The following KCNMA1 variants were observed in gnomAD, a reference collection of about 807,000 sequenced individuals.
KCNMA1 encodes potassium calcium-activated channel subfamily M alpha 1.
A neutral mutation model predicts 140.0 loss-of-function variants in KCNMA1; 29 were observed. The ratio of observed to expected loss-of-function variants is 0.21; its 90% CI spans 0.15 to 0.28. The LOEUF is 0.28. Among genes scored for constraint, KCNMA1 ranks in the 10% least tolerant of loss-of-function variants. KCNMA1 has a pLI of 1.00. For synonymous variants in KCNMA1, 612 were observed against 611.9 expected (o/e 1.00, Z 0.00); for missense variants, 880 against 1,602.2 (o/e 0.55, Z 7.70).
intron 3 of KCNMA1, among the ~76,000 whole-genome samples, chr10:77,218,047 T>C (rs1007646940): frequency 2.6e-5 from 4 of 152,194 alleles, no homozygotes; most frequent in Non-Finnish European, 5.9e-5. Flanking sequence ...GATGGAATTC[T>C]AGGACCACTA....
chr10:77,132,254 G>T (rs550627037), intron 5 of KCNMA1, among the ~76,000 whole-genome samples: 85 of 152,126 alleles, frequency 5.6e-4, no homozygotes, highest in African/African-American at 1.9e-3. Flanking sequence ...AGAAGAATGG[G>T]CATAGCCACA....
At chr10:77,465,317 C>T (rs2154526231) in intron 1 of KCNMA1, among the ~76,000 whole-genome samples, 1 of 152,334 alleles carries the variant, frequency 6.6e-6, no homozygotes, top group African/African-American at 2.4e-5. Context: ...AGTCAGTCTA[C>T]AGCTATGGAG....
intron 19 of KCNMA1, among the ~76,000 whole-genome samples, chr10:76,984,492 G>GT (rs2080615331): frequency 6.6e-6 from 1 of 152,216 alleles, no homozygotes; most frequent in South Asian, 2.1e-4. Flanking sequence ...ACCCAGCCTG[G>GT]ATTCTAGAGT....
chr10:77,574,863 T>G (rs1481121856), intron 1 of KCNMA1, among the ~76,000 whole-genome samples: 1 of 152,266 alleles, frequency 6.6e-6, no homozygotes, highest in African/African-American at 2.4e-5. Context: ...TGGTGCTTCA[T>G]GATGCTTTTG....
intron 6 of KCNMA1, among the ~76,000 whole-genome samples, chr10:77,117,023 C>T (rs905550660): frequency 4.6e-5 from 7 of 152,124 alleles, no homozygotes; most frequent in South Asian, 2.1e-4. Context: ...ATCTTGGAGC[C>T]ATTTCTAAGT....
intron 9 of KCNMA1, among the ~76,000 whole-genome samples, chr10:77,107,370 C>T (rs115759241): frequency 1.6e-3 from 251 of 152,278 alleles, no homozygotes; most frequent in African/African-American, 5.8e-3. Context: ...TGGGTGTGTA[C>T]ATAGGTACAA....
intron 20 of KCNMA1, among the ~76,000 whole-genome samples, chr10:76,956,049 C>T (rs2068151642): frequency 6.6e-6 from 1 of 152,128 alleles, no homozygotes; most frequent in Admixed American, 6.5e-5. Context: ...ATAATATCAG[C>T]AAGCAAGCAA....
At chr10:77,281,883 G>A (rs1211679687) in intron 2 of KCNMA1, among the ~76,000 whole-genome samples, 1 of 152,136 alleles carries the variant, frequency 6.6e-6, no homozygotes, top group African/African-American at 2.4e-5. Context: ...GTAGATTAGT[G>A]GTTTCCTACA....
At chr10:77,005,325 G>A (rs2088091379) in intron 18 of KCNMA1, among the ~76,000 whole-genome samples, 1 of 152,204 alleles carries the variant, frequency 6.6e-6, no homozygotes. Flanking sequence ...CCTAGGAGAT[G>A]AGCCTAGGGT....
intron 2 of KCNMA1, among the ~76,000 whole-genome samples, chr10:77,296,558 C>T (rs1392815598): frequency 6.6e-6 from 1 of 152,080 alleles, no homozygotes; most frequent in African/African-American, 2.4e-5. Context: ...CCATGCTTAC[C>T]CAAGTGGAGG....
chr10:77,258,109 G>T (rs1222872936), intron 2 of KCNMA1, among the ~76,000 whole-genome samples: 1 of 152,158 alleles, frequency 6.6e-6, no homozygotes, highest in Non-Finnish European at 1.5e-5. Flanking sequence ...TTCCCAATCT[G>T]TGAAATAATG....
intron 2 of KCNMA1, among the ~76,000 whole-genome samples, chr10:77,386,393 G>A (rs191390345): frequency 6.7e-4 from 102 of 152,358 alleles, no homozygotes; most frequent in Non-Finnish European, 1.1e-3. Flanking sequence ...GCTGGAAGGG[G>A]AAGAGGAAGA....
intron 1 of KCNMA1, among the ~76,000 whole-genome samples, chr10:77,514,057 CA>C (rs890790041): frequency 1.3e-5 from 2 of 152,254 alleles, no homozygotes; most frequent in African/African-American, 4.8e-5. Context: ...AGAAGTTTCG[CA>C]GGCTGAAAAA....
At chr10:77,474,693 G>A (rs1056056980) in intron 1 of KCNMA1, among the ~76,000 whole-genome samples, 7 of 151,990 alleles carry the variant, frequency 4.6e-5, no homozygotes, top group Admixed American at 2.0e-4. Context: ...ACAGAGCCCT[G>A]GACTTCTCTG....
intron 2 of KCNMA1, among the ~76,000 whole-genome samples, chr10:77,340,326 T>C (rs1208991968): frequency 6.6e-6 from 1 of 152,156 alleles, no homozygotes; most frequent in Admixed American, 6.5e-5. Context: ...CATCTAGAAC[T>C]AGAAATACCA....
chr10:76,999,070 C>G (rs2085327572), intron 19 of KCNMA1, among the ~76,000 whole-genome samples: 1 of 152,200 alleles, frequency 6.6e-6, no homozygotes, highest in African/African-American at 2.4e-5. Context: ...CTGGTGGGGG[C>G]TGATTTTGGA....
chr10:77,097,786 GA>G (rs1433387780), intron 9 of KCNMA1, among the ~76,000 whole-genome samples: 19 of 152,134 alleles, frequency 1.2e-4, no homozygotes, highest in Non-Finnish European at 5.9e-5. Flanking sequence ...ACAAAGGAAG[GA>G]AATGCATTCT....
chr10:77,372,283 C>T (rs774186640), intron 2 of KCNMA1, among the ~76,000 whole-genome samples: 10 of 152,164 alleles, frequency 6.6e-5, no homozygotes, highest in Non-Finnish European at 1.5e-4. Context: ...GTTTTGCCCA[C>T]GATTGTTCCC....
At chr10:77,613,118 A>G (rs547006948) in intron 1 of KCNMA1, among the ~76,000 whole-genome samples, 1 of 152,156 alleles carries the variant, frequency 6.6e-6, no homozygotes, top group Non-Finnish European at 1.5e-5. Flanking sequence ...CTTAACCTCT[A>G]TGAGTCTCAG....
Sources: gnomAD v4.1 joint callset for allele counts (sites outside exome capture counted in the v4.1 genomes callset) on GRCh38, gnomAD v4.1.1 for gene constraint, MANE v1.5 for transcripts, NCBI Gene and HGNC (gene_info 2026-07-23, HGNC 2026-07-21) for gene names.